Variants in PAEP observed in about 807,000 individuals in gnomAD.
The protein encoded by PAEP is glycodelin.
A neutral mutation model predicts 23.0 loss-of-function variants in PAEP; 28 were observed. The ratio of observed to expected loss-of-function variants is 1.22; its 90% CI spans 0.90 to 1.67. PAEP has a LOEUF of 1.67. Ranked by LOEUF, PAEP falls within the 40% of genes most tolerant of loss-of-function variation. PAEP has a pLI of 0.00. For synonymous variants in PAEP, 103 were observed against 92.4 expected (o/e 1.12, Z -0.66); for missense variants, 209 against 226.4 (o/e 0.92, Z 0.49).
chr9:135,565,892 A>G (rs1328595595), intron 6 of PAEP, 91 bp downstream of exon 6: 2 of 1,385,536 alleles, frequency 1.4e-6, no homozygotes, highest in Non-Finnish European at 2.1e-6. Context: ...GACAGACCCT[A>G]CTGTGTCCAG....
chr9:135,561,955 G>T lies in PAEP; in HGVS notation c.96+58G>T, dbSNP rs1214685316. ...GGGAGGCCTGGGGCGGGTGGGAGCT[G>T]CGGGCAGGCAGGAAGCCCAGGATCT... On this transcript the variant is annotated intron_variant, in intron 1 of 6. Coordinates refer to ENST00000479141, the MANE Select transcript of PAEP (RefSeq NM_002571.4). 29 of 1,246,734 alleles carry T rather than the reference G, an allele frequency of 2.3e-5. 1 individual carries two copies. Among genetic ancestry groups the T allele is most frequent in the Non-Finnish European group, 3.1e-5 (27 of 877,142 alleles). The allele number at this position is 1,246,734 out of a possible 1,614,324, so 77.2% of individuals were successfully genotyped here.
chr9:135,563,027 T>A (rs919667963), intron 3 of PAEP, 134 bp downstream of exon 3: 1 of 705,092 alleles, frequency 1.4e-6, no homozygotes, highest in Non-Finnish European at 2.5e-6. Context: ...GGAGTCAGAG[T>A]GTTTACTCCG....
chr9:135,566,331 AGC>A (rs2119053394), intron 6 of PAEP: 1 of 155,142 alleles, frequency 6.4e-6, no homozygotes, highest in East Asian at 1.9e-4. Context: ...CACCATGCCC[AGC>A]TAATTTTTGT....
At chr9:135,566,024 C>T (rs1239810622) in intron 6 of PAEP, among the ~76,000 whole-genome samples, 1 of 152,172 alleles carries the variant, frequency 6.6e-6, no homozygotes, top group African/African-American at 2.4e-5. Context: ...TAGTCACGGG[C>T]TTGTGCCCTA....
At chr9:135,565,712 A>G in intron 5 of PAEP, 73 bp from the exon 6 acceptor site, 1 of 1,563,304 alleles carries the variant, frequency 6.4e-7, no homozygotes. Flanking sequence ...TCCCTTCTCT[A>G]GCCCTGGGGC....
Position 135,563,453 on chromosome 9 carries a change from G to C in PAEP, c.310+560G>C, listed in dbSNP as rs147869233. Among the ~76,000 whole-genome samples the C allele has an allele frequency of 1.1e-3, 162 of 149,670 alleles. 2 individuals carry two copies. In the East Asian group the frequency reaches 0.029, roughly 27 times the overall value. On this transcript the variant is annotated intron_variant, in intron 3 of 6. Transcript: ENST00000479141. ...AGGTGAGTAGGTGAACAGGTGGGTGGGTGAACAGGTGGCCAGGTGAACAAG... is the reference window on the plus strand; with the variant it reads ...AGGTGAGTAGGTGAACAGGTGGGTGCGTGAACAGGTGGCCAGGTGAACAAG...
chr9:135,562,577 G>T (rs542391614), intron 2 of PAEP, 144 bp downstream of exon 2: 5 of 1,138,770 alleles, frequency 4.4e-6, no homozygotes, highest in Non-Finnish European at 5.0e-6. Context: ...CTTCCATGAG[G>T]GTGGGGTGGA....
At chr9:135,563,468 A>G (rs1323394480) in intron 3 of PAEP, among the ~76,000 whole-genome samples, 1 of 147,760 alleles carries the variant, frequency 6.8e-6, no homozygotes, top group African/African-American at 2.5e-5. Flanking sequence ...ACAGGTGGCC[A>G]GGTGAACAAG....
intron 4 of PAEP, 37 bp from the exon 5 acceptor site, chr9:135,565,373 C>T: frequency 1.3e-6 from 2 of 1,547,072 alleles, no homozygotes; most frequent in Non-Finnish European, 1.8e-6. Flanking sequence ...CTCATGGAAG[C>T]CCCAGGGGCC....
chr9:135,562,710 G>T (rs1372078669), intron 2 of PAEP, 110 bp from the exon 3 acceptor site: 15 of 944,484 alleles, frequency 1.6e-5, no homozygotes, highest in Admixed American at 5.6e-5. Context: ...GCTGCGGGCT[G>T]CGGTGCTCCT....
At chr9:135,565,967 T>A (rs1832561710) in intron 6 of PAEP, 166 bp downstream of exon 6, 1 of 761,582 alleles carries the variant, frequency 1.3e-6, no homozygotes, top group Non-Finnish European at 2.3e-6. Context: ...GCCAGGCTGC[T>A]GACGTCCCCA....
At chr9:135,563,206 G>A (rs140734838) in intron 3 of PAEP, among the ~76,000 whole-genome samples, 1 of 152,378 alleles carries the variant, frequency 6.6e-6, no homozygotes, top group East Asian at 1.9e-4. Context: ...GAGGCTGCAG[G>A]CGAGCAGGTG....
intron 4 of PAEP, chr9:135,564,694 G>A (rs527748353): frequency 4.8e-5 from 30 of 621,380 alleles, no homozygotes; most frequent in South Asian, 7.2e-5. Context: ...TGGTAGAGAC[G>A]GGGTTTCACC....
chr9:135,564,799 C>T lies in PAEP; in HGVS notation c.421+445C>T, dbSNP rs1252344738. The T allele has an allele frequency of 7.1e-6, 7 of 985,288 alleles. No homozygotes were observed. The African/African-American group carries it at 1.2e-4, about 17-fold the overall frequency. 61.0% of individuals were successfully genotyped at this position (985,288 alleles called of 1,614,324 possible). A position where few individuals can be genotyped will look rare whatever the true frequency, so the allele number is the denominator to read the frequency against. On this transcript the variant is annotated intron_variant, in intron 4 of 6. Transcript: ENST00000479141. ...GATTACAGGCGTGAGCCACCACGCC[C>T]GGCCAGGCTGAGTTTTTCTCCAGCG...
chr9:135,561,823 C>T lies in PAEP; in HGVS notation c.22C>T (p.Leu8=), dbSNP rs1405552334. The T allele has an allele frequency of 1.3e-6, 2 of 1,556,550 alleles. No homozygotes were observed. Among genetic ancestry groups the T allele is most frequent in the Admixed American group, 1.9e-5 (1 of 52,036 alleles). ...AGCCATGCTGTGCCTCCTGCTCACC[C>T]TGGGCGTGGCCCTGGTCTGTGGTGT... MLCLLLT[L]GVALVCGVPA... Residue 8 remains leucine, a synonymous_variant, in exon 1 of 7, where the codon CTG becomes TTG. Coordinates refer to ENST00000479141, the MANE Select transcript of PAEP (RefSeq NM_002571.4).
intron 1 of PAEP, 103 bp from the exon 2 acceptor site, chr9:135,562,191 A>C: frequency 7.6e-7 from 1 of 1,320,272 alleles, no homozygotes; most frequent in Middle Eastern, 2.4e-4. Flanking sequence ...ACAACCATCC[A>C]ATGCTCACTG....
chr9:135,565,057 GTCT>G (rs35993379), intron 4 of PAEP, among the ~76,000 whole-genome samples: 20,055 of 152,196 alleles, frequency 0.13, 1,608 homozygotes, highest in Non-Finnish European at 0.18. Context: ...TCACACAGGT[GTCT>G]TCTTGATCAG....
chr9:135,562,744 T>C (rs1336700497), intron 2 of PAEP, 76 bp from the exon 3 acceptor site: 17 of 1,246,536 alleles, frequency 1.4e-5, no homozygotes, highest in Non-Finnish European at 2.0e-5. Flanking sequence ...GTTCCCGTGG[T>C]GACCTGATTT....
intron 4 of PAEP, chr9:135,564,635 C>T (rs1832493186): frequency 3.6e-6 from 2 of 554,746 alleles, no homozygotes; most frequent in Non-Finnish European, 4.6e-6. Context: ...TCCAGAGTAG[C>T]TGGGATTACA....
Sources: allele counts gnomAD v4.1 joint callset (sites outside exome capture counted in the v4.1 genomes callset), GRCh38; gene constraint gnomAD v4.1.1; transcripts MANE v1.5; gene names NCBI Gene and HGNC (gene_info 2026-07-23, HGNC 2026-07-21).